SMARCC2: variants seen among roughly 807,000 people sequenced by gnomAD.
SMARCC2 encodes the protein SWI/SNF related BAF chromatin remodeling complex subunit C2.
In SMARCC2, 15 loss-of-function variants were observed where a neutral mutation model predicts 151.3. The observed-to-expected ratio is 0.10, with a 90% CI of 0.07 to 0.15. SMARCC2 has a LOEUF of 0.15. Among genes scored for constraint, SMARCC2 ranks in the 10% least tolerant of loss-of-function variants. The pLI is 1.00. For synonymous variants in SMARCC2, 590 were observed against 609.5 expected (o/e 0.97, Z 0.47); for missense variants, 1,031 against 1,599.7 (o/e 0.64, Z 6.06).
At chr12:56,177,301 G>A (rs1393719811) in intron 15 of SMARCC2, among the ~76,000 whole-genome samples, 2 of 152,212 alleles carry the variant, frequency 1.3e-5, no homozygotes, top group African/African-American at 4.8e-5. Flanking sequence ...CTGGAGAGCA[G>A]TGGTGTGATC....
chr12:56,163,558 G>T lies in SMARCC2; in HGVS notation c.*131C>A. The T allele has an allele frequency of 2.1e-6, 1 of 485,084 alleles. No homozygotes were observed. Among genetic ancestry groups the T allele is most frequent in the Non-Finnish European group, 3.6e-6 (1 of 275,794 alleles). The allele number at this position is 485,084 out of a possible 1,614,324, so 30.0% of individuals were successfully genotyped here. A position where few individuals can be genotyped will look rare whatever the true frequency, so the allele number is the denominator to read the frequency against. ...GTTAGGCATGGTGAGGGCTTTGGAG[G>T]GGCGGAAGGAGCTTTCCTTACGTAG... On this transcript the variant is annotated 3_prime_UTR_variant, in exon 29 of 29. Transcript: ENST00000550164.
chr12:56,162,380 T>G lies in SMARCC2; in HGVS notation c.*1309A>C. On this transcript the variant is annotated 3_prime_UTR_variant, in exon 29 of 29. Coordinates refer to ENST00000550164, the MANE Select transcript of SMARCC2 (RefSeq NM_001330288.2). ...AAGATGGAACTGAAAGCAAATTAAT[T>G]TATAAAAAAAAAAAAAAGAAAGAAA... 1.6e-6 allele frequency: 1 copy of G among 628,694 alleles called. No individual in the cohort carries two copies. The highest frequency in any genetic ancestry group is 2.8e-6 in the Non-Finnish European group (1 of 357,022). The allele number at this position is 628,694 out of a possible 1,614,324, so 38.9% of individuals were successfully genotyped here. A position where few individuals can be genotyped will look rare whatever the true frequency, so the allele number is the denominator to read the frequency against.
At chr12:56,187,005 A>C in intron 2 of SMARCC2, 182 bp downstream of exon 2, 1 of 552,866 alleles carries the variant, frequency 1.8e-6, no homozygotes, top group South Asian at 2.3e-5. Flanking sequence ...ACTAAGACAA[A>C]AAGAATGGTA....
At position 56,189,469 on chromosome 12, in the gene SMARCC2, G is replaced by A. The variant is rs763735800; in HGVS notation, c.-8C>T. 3 of 1,466,886 alleles carry A rather than the reference G, an allele frequency of 2.0e-6. No homozygotes were observed. Among genetic ancestry groups the A allele is most frequent in the East Asian group, 5.6e-5 (2 of 36,036 alleles). The allele number at this position is 1,466,886 out of a possible 1,614,324, so 90.9% of individuals were successfully genotyped here. A position where few individuals can be genotyped will look rare whatever the true frequency, so the allele number is the denominator to read the frequency against. On this transcript the variant is annotated 5_prime_UTR_variant, in exon 1 of 29. Coordinates refer to ENST00000550164, the MANE Select transcript of SMARCC2 (RefSeq NM_001330288.2). ...CTTCTTCCGCACCGCCATCTTCTCC[G>A]GCTCGGGCCCCGCCGCCGCCCGCCC...
At chr12:56,172,791 T>C in intron 18 of SMARCC2, 87 bp from the exon 19 acceptor site, 1 of 1,593,594 alleles carries the variant, frequency 6.3e-7, no homozygotes, top group South Asian at 1.1e-5. Context: ...CAGAAGGAGC[T>C]TCTTTCCCAA....
intron 15 of SMARCC2, among the ~76,000 whole-genome samples, chr12:56,175,006 T>C (rs1874667602): frequency 6.6e-6 from 1 of 152,214 alleles, no homozygotes; most frequent in South Asian, 2.1e-4. Context: ...TACTTAGGGA[T>C]ATTTCATACA....
At position 56,178,421 on chromosome 12, in the gene SMARCC2, G is replaced by C; in HGVS notation, c.1293C>G (p.Ala431=). 2 of 1,614,228 alleles carry C rather than the reference G, an allele frequency of 1.2e-6. No individual in the cohort carries two copies. The highest frequency in any genetic ancestry group is 1.7e-6 in the Non-Finnish European group (2 of 1,180,036). ...AACCATACCTATTGTAGTCAAACCA[G>C]GCAGCGTAGCTGGGAATGATGATGT... ...THHIIIPSYA[A]WFDYNSVHAI... The change falls in exon 14 of 29, where the codon GCC becomes GCG. Residue 431 remains alanine (A), a synonymous_variant. Coordinates refer to ENST00000550164, the MANE Select transcript of SMARCC2 (RefSeq NM_001330288.2).
intron 15 of SMARCC2, among the ~76,000 whole-genome samples, chr12:56,176,271 G>A (rs963083717): frequency 6.6e-6 from 1 of 152,136 alleles, no homozygotes; most frequent in African/African-American, 2.4e-5. Flanking sequence ...GCTTTCTCCA[G>A]GAAGAGAAGG....
chr12:56,186,815 A>G (rs1877352785), intron 2 of SMARCC2: 1 of 190,544 alleles, frequency 5.2e-6, no homozygotes, highest in Non-Finnish European at 1.1e-5. Context: ...AATCCCATCT[A>G]GAGATGAAGG....
chr12:56,180,927 G>A (rs201616370), intron 11 of SMARCC2, 50 bp downstream of exon 11: 184 of 1,573,290 alleles, frequency 1.2e-4, no homozygotes, highest in Non-Finnish European at 1.6e-4. Context: ...GCAAAGGAGA[G>A]TCAAGACGGG....
In SMARCC2 at chr12:56,171,997, TC is replaced by T. The variant is rs1367549171; in HGVS notation, c.1927-61del. The T allele has an allele frequency of 1.5e-5, 22 of 1,498,074 alleles. No homozygotes were observed. The highest frequency in any genetic ancestry group is 1.9e-5 in the Non-Finnish European group (21 of 1,105,652). The allele number at this position is 1,498,074 out of a possible 1,614,324, so 92.8% of individuals were successfully genotyped here. ...TTAGCCACTTTTCTCGAAGGCTGAC[TC>T]CCCCCATCCTACTAAGGGCAGCTGG... On this transcript the variant is annotated intron_variant, in intron 20 of 28. Transcript: ENST00000550164. The surrounding 1 kb of genome is among the most constrained non-coding windows in gnomAD (Gnocchi z 4.2).
intron 2 of SMARCC2, 194 bp downstream of exon 2, chr12:56,186,993 T>C (rs1877384704): frequency 3.8e-6 from 2 of 519,940 alleles, no homozygotes; most frequent in South Asian, 2.3e-5. Flanking sequence ...GCACAAAATA[T>C]TACTAAGACA....
At chr12:56,179,105 G>T in intron 11 of SMARCC2, 49 bp from the exon 12 acceptor site, 2 of 1,536,716 alleles carry the variant, frequency 1.3e-6, no homozygotes, top group Non-Finnish European at 1.8e-6. Flanking sequence ...CCTAATTCAA[G>T]CCTTCAATTT....
intron 7 of SMARCC2, 140 bp downstream of exon 7, chr12:56,183,721 G>C (rs1876699299): frequency 1.7e-6 from 1 of 584,296 alleles, no homozygotes; most frequent in Non-Finnish European, 3.1e-6. Flanking sequence ...CAAGACAGAG[G>C]TTCACTTACT....
At position 56,181,560 on chromosome 12, in the gene SMARCC2, C is replaced by G. The variant is rs1426751023; in HGVS notation, c.878G>C (p.Gly293Ala). 3 of 1,589,564 alleles carry G rather than the reference C, an allele frequency of 1.9e-6. No individual in the cohort carries two copies. The highest frequency in any genetic ancestry group is 1.7e-6 in the Non-Finnish European group (2 of 1,168,728). The change falls in exon 10 of 29, where the codon GGG becomes GCG. Residue 293 changes from glycine to alanine, a missense_variant. By Grantham distance (60) the Gly-to-Ala change is moderately conservative. Transcript: ENST00000550164. ...SPDSDRRDKK[G>A]GNYKKRKRSP... ...GCGCTTCCTCTTCTTATAGTTTCCCCCCTTCTTGTCCCGTCGATCTGAATC... is the reference window on the plus strand; with the variant it reads ...GCGCTTCCTCTTCTTATAGTTTCCCGCCTTCTTGTCCCGTCGATCTGAATC...
rs146067473 is a variant in SMARCC2, at chr12:56,186,214, C to T, written c.258G>A (p.Ala86=). 33 of 1,612,476 alleles carry T rather than the reference C, an allele frequency of 2.0e-5. No homozygotes were observed. Among genetic ancestry groups the T allele is most frequent in the African/African-American group, 1.6e-4 (12 of 74,998 alleles). ...LPIKCFLDFK[A]GGSLCHILAA... is the part of the protein sequence containing the mutation. ...CAAGAATGTGGCACAAGGAGCCTCC[C>T]GCTTTGAAATCTAGGAAACATTTGA... Residue 86 remains alanine, a synonymous_variant, in exon 3 of 29, where the codon GCG becomes GCA. Transcript: ENST00000550164.
At position 56,165,475 on chromosome 12, in the gene SMARCC2, G is replaced by C. The variant is rs368068751; in HGVS notation, c.3075C>G (p.Val1025=). 6.4e-7 allele frequency: 1 copy of C among 1,562,392 alleles called. No individual in the cohort carries two copies. Among genetic ancestry groups the C allele is most frequent in the African/African-American group, 1.4e-5 (1 of 73,658 alleles). The change falls in exon 27 of 29, where the codon GTC becomes GTG. Residue 1025 remains valine (V), a synonymous_variant. Coordinates refer to ENST00000550164, the MANE Select transcript of SMARCC2 (RefSeq NM_001330288.2). The part of the protein sequence containing the change: ...HGLAVAPASV[V]PAPAGSGAPP... ...GGGCCCCACTGCCAGCAGGAGCAGG[G>C]ACTACAGAGGCTGGAGCCACAGCCA... is the stretch of plus-strand genomic sequence containing the variant.
intron 26 of SMARCC2, among the ~76,000 whole-genome samples, chr12:56,166,235 C>T (rs944703709): frequency 4.6e-5 from 7 of 151,708 alleles, no homozygotes; most frequent in African/African-American, 7.3e-5. Context: ...TCCGCCTCCC[C>T]GGTTCAAGCA....
chr12:56,184,319 T>G (rs1876827351), intron 5 of SMARCC2, 75 bp from the exon 6 acceptor site: 5 of 1,054,586 alleles, frequency 4.7e-6, no homozygotes, highest in Non-Finnish European at 7.2e-6. Context: ...AGAGCTGCCT[T>G]CCTAACCATA....
Sources: allele counts gnomAD v4.1 joint callset (sites outside exome capture counted in the v4.1 genomes callset), GRCh38; gene constraint gnomAD v4.1.1; non-coding constraint Gnocchi (gnomAD v3.1); transcripts MANE v1.5; gene names NCBI Gene and HGNC (gene_info 2026-07-23, HGNC 2026-07-21).